Variants in NPSR1 observed in about 807,000 individuals in gnomAD.
NPSR1 encodes the protein neuropeptide S receptor.
In NPSR1, 48 loss-of-function variants were observed where a neutral mutation model predicts 46.9. The observed-to-expected ratio is 1.02, with a 90% CI of 0.81 to 1.30. NPSR1 has a LOEUF of 1.30. Among genes scored for constraint, NPSR1 ranks in the 50% most tolerant of loss-of-function variants. The pLI is 0.00. For synonymous variants in NPSR1, 176 were observed against 168.1 expected (o/e 1.05, Z -0.36); for missense variants, 450 against 449.5 (o/e 1.00, Z -0.01).
chr7:34,673,945 G>A (rs1792185897), intron 1 of NPSR1, among the ~76,000 whole-genome samples: 3 of 152,300 alleles, frequency 2.0e-5, no homozygotes, highest in South Asian at 4.1e-4. Flanking sequence ...AGGAGGTCGT[G>A]ATGACAATAA....
chr7:34,741,130 C>T (rs1784921178), intron 2 of NPSR1, among the ~76,000 whole-genome samples: 1 of 152,224 alleles, frequency 6.6e-6, no homozygotes, highest in Admixed American at 6.5e-5. Context: ...AGTCTTTGGT[C>T]TTTCAGAAAT....
intron 2 of NPSR1, among the ~76,000 whole-genome samples, chr7:34,730,521 T>C (rs1784373398): frequency 6.6e-6 from 1 of 152,250 alleles, no homozygotes; most frequent in Non-Finnish European, 1.5e-5. Context: ...AGGAAGGCTC[T>C]CAATGGTTAA....
At chr7:34,664,769 C>A (rs1791655276) in intron 1 of NPSR1, among the ~76,000 whole-genome samples, 1 of 152,142 alleles carries the variant, frequency 6.6e-6, no homozygotes, top group African/African-American at 2.4e-5. Context: ...GCAGAAAGAG[C>A]AAATTATGCC....
intron 4 of NPSR1, among the ~76,000 whole-genome samples, chr7:34,825,144 A>G (rs1198245880): frequency 6.6e-6 from 1 of 151,990 alleles, no homozygotes; most frequent in Non-Finnish European, 1.5e-5. Context: ...ACATTTTCCT[A>G]CCGTTCTAGA....
intron 8 of NPSR1, 37 bp downstream of exon 8, chr7:34,848,700 G>A (rs756370722): frequency 6.3e-7 from 1 of 1,577,646 alleles, no homozygotes; most frequent in Non-Finnish European, 8.7e-7. Context: ...ACACACTGAT[G>A]GCCATTGCAC....
chr7:34,716,099 C>T (rs186315878), intron 2 of NPSR1, among the ~76,000 whole-genome samples: 26 of 152,180 alleles, frequency 1.7e-4, no homozygotes, highest in African/African-American at 4.8e-4. Context: ...ATGAGCTGTC[C>T]AGGACTCAGT....
intron 8 of NPSR1, among the ~76,000 whole-genome samples, chr7:34,863,644 A>G (rs1417869626): frequency 1.3e-5 from 2 of 152,044 alleles, no homozygotes; most frequent in South Asian, 2.1e-4. Flanking sequence ...TCAATTGGTC[A>G]TTAGAGAAAT....
intron 8 of NPSR1, among the ~76,000 whole-genome samples, chr7:34,862,863 T>A (rs1791220738): frequency 6.6e-6 from 1 of 151,664 alleles, no homozygotes; most frequent in African/African-American, 2.4e-5. Flanking sequence ...ACTATCTAGT[T>A]TGGGTGATAA....
intron 3 of NPSR1, among the ~76,000 whole-genome samples, chr7:34,783,701 C>G (rs1584010909): frequency 6.6e-6 from 1 of 151,812 alleles, no homozygotes; most frequent in East Asian, 1.9e-4. Context: ...TAAGACTACA[C>G]CAAGACATAT....
At chr7:34,788,491 C>T (rs1170643406) in intron 3 of NPSR1, among the ~76,000 whole-genome samples, 2 of 151,802 alleles carry the variant, frequency 1.3e-5, no homozygotes, top group Non-Finnish European at 2.9e-5. Flanking sequence ...CAAGTGGAAA[C>T]CAAAATAGAT....
At position 34,665,593 on chromosome 7, in the gene NPSR1, G is replaced by A. The variant is rs570557641; in HGVS notation, c.147+7034G>A. Among the ~76,000 whole-genome samples, 4 of 152,194 alleles carry A rather than the reference G, an allele frequency of 2.6e-5. No individual in the cohort carries two copies. In the South Asian group the frequency reaches 8.3e-4, roughly 32 times the overall value. On this transcript the variant is annotated intron_variant, in intron 1 of 8. Transcript: ENST00000360581. The stretch of plus-strand genomic sequence containing the variant: ...TCTTACCATAGTCTGAGGATACAGG[G>A]TCCTGTTTACCTTTTCTGGATATGC...
intron 3 of NPSR1, among the ~76,000 whole-genome samples, chr7:34,791,042 T>TTA (rs548592481): frequency 8.2e-6 from 1 of 121,316 alleles, no homozygotes; most frequent in Admixed American, 9.3e-5. Context: ...ATATATTATA[T>TTA]TATATATGTT....
chr7:34,823,008 C>T (rs895855608), intron 4 of NPSR1, among the ~76,000 whole-genome samples: 9 of 151,910 alleles, frequency 5.9e-5, no homozygotes, highest in African/African-American at 2.2e-4. Context: ...AGAAAAATAT[C>T]CTTTTTATAA....
At chr7:34,784,847 G>GTT (rs1204033938) in intron 3 of NPSR1, among the ~76,000 whole-genome samples, 7 of 152,094 alleles carry the variant, frequency 4.6e-5, no homozygotes, top group Non-Finnish European at 1.0e-4. Context: ...TCTCACACCA[G>GTT]TTAGAATGGC....
At chr7:34,840,591 G>A (rs1422207262) in intron 6 of NPSR1, among the ~76,000 whole-genome samples, 1 of 152,212 alleles carries the variant, frequency 6.6e-6, no homozygotes, top group Non-Finnish European at 1.5e-5. Flanking sequence ...GAGGCCCTGA[G>A]AGGTGGAGCA....
chr7:34,848,683 G>A lies in NPSR1; in HGVS notation c.1025+20G>A. The A allele has an allele frequency of 6.2e-7, 1 of 1,608,406 alleles. No homozygotes were observed. The highest frequency in any genetic ancestry group is 8.5e-7 in the Non-Finnish European group (1 of 1,177,084). On this transcript the variant is annotated intron_variant, in intron 8 of 8. Coordinates refer to ENST00000360581, the MANE Select transcript of NPSR1 (RefSeq NM_207172.2). ...CTGCAGGTAAGGGGAGCTCTTGCAT[G>A]GGTCAGACACACTGATGGCCATTGC...
chr7:34,691,872 T>C (rs1793279443), intron 2 of NPSR1, among the ~76,000 whole-genome samples: 1 of 152,120 alleles, frequency 6.6e-6, no homozygotes, highest in Admixed American at 6.5e-5. Flanking sequence ...TCCCAGCACT[T>C]TGAGGGGCTG....
intron 2 of NPSR1, among the ~76,000 whole-genome samples, chr7:34,709,496 T>TTCATGTC (rs1783163327): frequency 6.6e-6 from 1 of 152,128 alleles, no homozygotes; most frequent in Non-Finnish European, 1.5e-5. Context: ...GTCCTTCAAA[T>TTCATGTC]CTTTCTTCAA....
chr7:34,797,429 AG>A (rs1224315704), intron 3 of NPSR1, among the ~76,000 whole-genome samples: 2 of 152,162 alleles, frequency 1.3e-5, no homozygotes, highest in African/African-American at 4.8e-5. Context: ...TATGGGGGAC[AG>A]GGGGTTTATG....
Sources: gnomAD v4.1 joint callset for allele counts (sites outside exome capture counted in the v4.1 genomes callset) on GRCh38, gnomAD v4.1.1 for gene constraint, MANE v1.5 for transcripts, NCBI Gene and HGNC (gene_info 2026-07-23, HGNC 2026-07-21) for gene names.